Variants in RNF144A observed in about 807,000 individuals in gnomAD.
RNF144A encodes the protein ring finger protein 144A.
Under a neutral mutation model 38.7 loss-of-function variants are expected in RNF144A, and 11 were observed. The observed-to-expected ratio is 0.28, with a 90% CI of 0.18 to 0.47. RNF144A has a LOEUF of 0.47. Among genes scored for constraint, RNF144A ranks in the 20% least tolerant of loss-of-function variants. The pLI is 0.99. For missense variants in RNF144A, 316 were observed against 377.2 expected (o/e 0.84, Z 1.34); for synonymous variants, 149 against 143.9 (o/e 1.04, Z -0.25).
chr2:6,955,071 T>C (rs1379373112), intron 2 of RNF144A, among the ~76,000 whole-genome samples: 1 of 152,180 alleles, frequency 6.6e-6, no homozygotes, highest in African/African-American at 2.4e-5. Context: ...TATTAGGGTG[T>C]CTGTAGAACA....
chr2:6,955,974 A>C (rs541162089), intron 2 of RNF144A, among the ~76,000 whole-genome samples: 1 of 152,348 alleles, frequency 6.6e-6, no homozygotes, highest in African/African-American at 2.4e-5. Context: ...TAATCAGCAC[A>C]CTTAAGTACT....
intron 2 of RNF144A, among the ~76,000 whole-genome samples, chr2:6,988,648 C>T (rs1399587972): frequency 1.3e-5 from 2 of 152,150 alleles, no homozygotes; most frequent in African/African-American, 4.8e-5. Context: ...CCGATGCCGT[C>T]GGGGTCACCT....
chr2:7,004,536 C>A (rs1011561826), intron 3 of RNF144A, among the ~76,000 whole-genome samples: 2 of 152,182 alleles, frequency 1.3e-5, no homozygotes, highest in Non-Finnish European at 2.9e-5. Flanking sequence ...GTGTCCCTTC[C>A]AAGAGGGCAA....
chr2:7,011,939 G>A lies in RNF144A; in HGVS notation c.136-2515G>A, dbSNP rs149848467. Among the ~76,000 whole-genome samples the A allele has an allele frequency of 1.4e-4, 21 of 152,306 alleles. No individual in the cohort carries two copies. The East Asian group carries it at 3.9e-3, about 28-fold the overall frequency. ...AGATAGCTGCATCCTGATGACACAT[G>A]ATGTTCACTCTTGGGTAGCTTTGAA... is the stretch of plus-strand genomic sequence containing the variant. On this transcript the variant is annotated intron_variant, in intron 3 of 8. Coordinates refer to ENST00000320892, the MANE Select transcript of RNF144A (RefSeq NM_014746.6).
Position 6,997,068 on chromosome 2 carries a change from C to G in RNF144A, c.135+7C>G, listed in dbSNP as rs529737064. ...ATGCATCTTCTGTACTCTGGTTGGT[C>G]TTTTTGGATAAAATATATGTTACAG... On this transcript the variant is annotated splice_region_variant and intron_variant, in intron 3 of 8. Coordinates refer to ENST00000320892, the MANE Select transcript of RNF144A (RefSeq NM_014746.6). 15 of 1,613,828 alleles carry G rather than the reference C, an allele frequency of 9.3e-6. 1 individual carries two copies. In the South Asian group the frequency reaches 1.6e-4, roughly 18 times the overall value.
chr2:6,934,713 A>G (rs972608573), intron 1 of RNF144A, among the ~76,000 whole-genome samples: 6 of 152,010 alleles, frequency 3.9e-5, no homozygotes, highest in South Asian at 2.1e-4. Context: ...TCTTTCTTCT[A>G]TTGTTCTGAG....
chr2:6,930,508 C>A (rs867631470), intron 1 of RNF144A, among the ~76,000 whole-genome samples: 2 of 152,046 alleles, frequency 1.3e-5, no homozygotes, highest in African/African-American at 4.8e-5. Context: ...GCTCACCACA[C>A]ACACACATCT....
intron 2 of RNF144A, among the ~76,000 whole-genome samples, chr2:6,990,385 TACACACACAC>T (rs60196595): frequency 0.11 from 14,151 of 123,680 alleles, 1,323 homozygotes; most frequent in African/African-American, 0.25. Context: ...TATATATATT[TACACACACAC>T]ACACACACAC....
At chr2:6,975,483 A>G (rs999811523) in intron 2 of RNF144A, among the ~76,000 whole-genome samples, 2 of 152,150 alleles carry the variant, frequency 1.3e-5, no homozygotes, top group African/African-American at 4.8e-5. Context: ...CATTCTCTCC[A>G]CTGCCCAGCC....
intron 3 of RNF144A, among the ~76,000 whole-genome samples, chr2:7,007,021 A>T (rs10929458): frequency 0.31 from 46,705 of 151,956 alleles, 7,575 homozygotes; most frequent in African/African-American, 0.39. Flanking sequence ...TTAAGGTCAG[A>T]GAGTGCCTTC....
chr2:7,074,980 G>A, the RNF144A span, among the ~76,000 whole-genome samples: 3 of 152,144 alleles, frequency 2.0e-5, no homozygotes, highest in Non-Finnish European at 4.4e-5. Context: ...AGAATTATTA[G>A]TAAAAGTTTT....
intron 2 of RNF144A, among the ~76,000 whole-genome samples, chr2:6,984,476 G>A (rs2103368073): frequency 6.6e-6 from 1 of 152,046 alleles, no homozygotes; most frequent in Admixed American, 6.6e-5. Flanking sequence ...GCTAATTTTT[G>A]TATTTTTAGT....
At chr2:7,034,545 G>T (rs114308265) in intron 8 of RNF144A, among the ~76,000 whole-genome samples, 2 of 152,190 alleles carry the variant, frequency 1.3e-5, no homozygotes, top group Non-Finnish European at 2.9e-5. Context: ...GGGCTGCTAC[G>T]GCACTGAGCG....
intron 8 of RNF144A, among the ~76,000 whole-genome samples, chr2:7,031,877 G>A (rs1370074869): frequency 2.0e-5 from 3 of 152,254 alleles, no homozygotes; most frequent in African/African-American, 7.2e-5. Flanking sequence ...CGGCACAGAA[G>A]CTGCCAACGG....
At chr2:6,924,862 C>G (rs1418942054) in intron 1 of RNF144A, among the ~76,000 whole-genome samples, 1 of 152,210 alleles carries the variant, frequency 6.6e-6, no homozygotes, top group East Asian at 1.9e-4. Flanking sequence ...CTTATGTGCC[C>G]ATGGTCTGTG....
Position 6,962,815 on chromosome 2 carries a change from TC to T in RNF144A, c.-12+21670del, listed in dbSNP as rs1276503176. Reference sequence around the variant, plus strand: ...AGCACAGGCATTCATGCACAGAAGGTCCTCAGTTAATGACTGGCCCAGCCTT... The same window carrying T: ...AGCACAGGCATTCATGCACAGAAGGTCTCAGTTAATGACTGGCCCAGCCTT... On this transcript the variant is annotated intron_variant, in intron 2 of 8. Coordinates refer to ENST00000320892, the MANE Select transcript of RNF144A (RefSeq NM_014746.6). This position sits in a 1 kb window ranked among gnomAD's most constrained non-coding sequence, Gnocchi z 4.1. Among the ~76,000 whole-genome samples, 1 of 152,196 alleles carries T rather than the reference TC, an allele frequency of 6.6e-6. No homozygotes were observed. Among genetic ancestry groups the T allele is most frequent in the Non-Finnish European group, 1.5e-5 (1 of 68,040 alleles).
downstream of RNF144A, among the ~76,000 whole-genome samples, chr2:7,044,670 T>G (rs533123516): frequency 1.8e-4 from 27 of 152,174 alleles, no homozygotes; most frequent in Non-Finnish European, 3.1e-4. Flanking sequence ...GTAGGAGAGA[T>G]AATAATGAGC....
downstream of RNF144A, among the ~76,000 whole-genome samples, chr2:7,046,060 A>G (rs1283633010): frequency 1.3e-5 from 2 of 152,250 alleles, no homozygotes; most frequent in Admixed American, 1.3e-4. Flanking sequence ...ATTACAGGGC[A>G]TAGAAGGTGG....
chr2:6,998,842 G>A (rs1320952559), intron 3 of RNF144A, among the ~76,000 whole-genome samples: 3 of 150,560 alleles, frequency 2.0e-5, no homozygotes, highest in Non-Finnish European at 2.9e-5. Context: ...TACTTGAAAG[G>A]ACATCTTCCC....
Sources: gnomAD v4.1 joint callset for allele counts (sites outside exome capture counted in the v4.1 genomes callset) on GRCh38, gnomAD v4.1.1 for gene constraint, Gnocchi (gnomAD v3.1) non-coding constraint, MANE v1.5 for transcripts, NCBI Gene and HGNC (gene_info 2026-07-23, HGNC 2026-07-21) for gene names.